Variants in RTN4 observed in about 807,000 individuals in gnomAD.
The protein encoded by RTN4 is reticulon-4.
RTN4 carries 32 observed loss-of-function variants against 90.4 expected under a neutral mutation model. That is an observed-to-expected ratio of 0.35 (90% CI 0.27 to 0.48). RTN4 has a LOEUF of 0.48. Ranked by LOEUF, RTN4 falls within the 20% of genes least tolerant of loss-of-function variation. The pLI is 0.99. For missense variants in RTN4, 1,706 were observed against 1,430.2 expected, an observed-to-expected ratio of 1.19 and a Z score of -3.11; for synonymous variants, 629 against 552.5, an observed-to-expected ratio of 1.14 and a Z score of -1.94.
At chr2:54,997,843 T>C (rs1215742361) in intron 3 of RTN4, among the ~76,000 whole-genome samples, 3 of 152,292 alleles carry the variant, frequency 2.0e-5, no homozygotes, top group Non-Finnish European at 4.4e-5. Context: ...ATGATTCTCT[T>C]TCATTGTTAA....
chr2:55,095,173 A>G (rs1343485796), intron 1 of RTN4, among the ~76,000 whole-genome samples: 1 of 152,056 alleles, frequency 6.6e-6, no homozygotes, highest in African/African-American at 2.4e-5. Flanking sequence ...AAATACAAAA[A>G]TCAGCTGGGC....
chr2:55,063,861 CAG>C (rs999045193), intron 2 of RTN4, among the ~76,000 whole-genome samples: 22 of 150,234 alleles, frequency 1.5e-4, no homozygotes, highest in African/African-American at 5.4e-4. Flanking sequence ...GCCTGGGCAA[CAG>C]GGGGAGACAG....
rs2104986094 is a variant in RTN4, at chr2:55,050,301, G to A, written c.-1C>T. On this transcript the variant is annotated 5_prime_UTR_variant, in exon 1 of 9. Coordinates refer to ENST00000337526, the MANE Select transcript of RTN4 (RefSeq NM_020532.5). This position sits in a 1 kb window ranked among gnomAD's most constrained non-coding sequence, Gnocchi z 4.6. ...GAGGAGACTGGTCCAGGTCTTCCAT[G>A]GCTGGAGGGTGGAGATGATGCTGCA... The A allele has an allele frequency of 7.0e-7, 1 of 1,423,764 alleles. No individual in the cohort carries two copies. The allele number at this position is 1,423,764 out of a possible 1,614,324, so 88.2% of individuals were successfully genotyped here. A position where few individuals can be genotyped will look rare whatever the true frequency, so the allele number is the denominator to read the frequency against.
At position 55,048,261 on chromosome 2, in the gene RTN4, T is replaced by C. The variant is rs116527459; in HGVS notation, c.556+1484A>G. ...GCTGTGGACGTGAGTAGTGAGTGAA[T>C]GTGAAGGCCTAGGACATTACCATGT... On this transcript the variant is annotated intron_variant, in intron 1 of 8. Coordinates refer to ENST00000337526, the MANE Select transcript of RTN4 (RefSeq NM_020532.5). Among the ~76,000 whole-genome samples the C allele has an allele frequency of 6.3e-3, 960 of 152,342 alleles. 9 individuals are homozygous for C. The highest frequency in any genetic ancestry group is 0.022 in the African/African-American group (931 of 41,582).
chr2:55,078,122 A>G lies in RTN4; in HGVS notation c.-63+2367T>C, dbSNP rs1031027773. On this transcript the variant is annotated intron_variant, in intron 2 of 3. Coordinates refer to the RTN4 transcript ENST00000427710. ...GTGCACCAAAATCTCACAAACCACCACTAAAGAGCTTGTTCATGTAACCAA... is the reference window on the plus strand; with the variant it reads ...GTGCACCAAAATCTCACAAACCACCGCTAAAGAGCTTGTTCATGTAACCAA... Among the ~76,000 whole-genome samples the G allele has an allele frequency of 2.0e-5, 3 of 152,176 alleles. No individual in the cohort carries two copies. The East Asian group carries it at 5.8e-4, about 29-fold the overall frequency.
intron 2 of RTN4, among the ~76,000 whole-genome samples, chr2:55,068,336 A>G (rs1327143618): frequency 6.6e-6 from 1 of 152,168 alleles, no homozygotes; most frequent in Non-Finnish European, 1.5e-5. Flanking sequence ...TGAAAATATC[A>G]GTACATAGAC....
intron 1 of RTN4, among the ~76,000 whole-genome samples, chr2:55,032,165 C>A (rs1682364948): frequency 6.6e-6 from 1 of 151,998 alleles, no homozygotes; most frequent in African/African-American, 2.4e-5. Flanking sequence ...ACTGCAACCT[C>A]CACCTCCCAG....
chr2:55,076,732 C>T (rs950339181), intron 2 of RTN4, among the ~76,000 whole-genome samples: 7 of 151,898 alleles, frequency 4.6e-5, no homozygotes, highest in Non-Finnish European at 8.8e-5. Flanking sequence ...TCCCATAATC[C>T]CCGCGTGTCT....
At chr2:55,123,855 C>G in the RTN4 span, among the ~76,000 whole-genome samples, 8 of 152,186 alleles carry the variant, frequency 5.3e-5, no homozygotes, top group African/African-American at 1.7e-4. Context: ...TCATTTTGCA[C>G]TGGGCCTTGC....
the RTN4 span, among the ~76,000 whole-genome samples, chr2:55,136,946 C>T: frequency 1.2e-3 from 184 of 152,232 alleles, no homozygotes; most frequent in African/African-American, 4.4e-3. Context: ...ATTTCTGTCC[C>T]CCAGACTGGC....
At chr2:55,046,780 T>G (rs201839007) in intron 1 of RTN4, 58 of 152,346 alleles carry the variant, frequency 3.8e-4, no homozygotes, top group African/African-American at 1.3e-3. Flanking sequence ...AATGGTTAAC[T>G]ATCCACAACC....
chr2:55,067,017 GTAATT>G (rs1668405656), intron 2 of RTN4, among the ~76,000 whole-genome samples: 1 of 152,154 alleles, frequency 6.6e-6, no homozygotes, highest in African/African-American at 2.4e-5. Flanking sequence ...CAAAAGTACA[GTAATT>G]TAATAAACCC....
chr2:55,041,523 C>A (rs1683075068), intron 1 of RTN4, among the ~76,000 whole-genome samples: 1 of 151,888 alleles, frequency 6.6e-6, no homozygotes, highest in African/African-American at 2.4e-5. Flanking sequence ...TGTGAACTGA[C>A]AGATAAATGG....
At chr2:54,995,653 T>G (rs1398390494) in intron 3 of RTN4, among the ~76,000 whole-genome samples, 2 of 152,202 alleles carry the variant, frequency 1.3e-5, no homozygotes, top group African/African-American at 2.4e-5. Flanking sequence ...TCCTGACATC[T>G]CAGGGTGCAA....
chr2:55,008,458 A>T (rs1179551262), intron 3 of RTN4, among the ~76,000 whole-genome samples: 3 of 152,250 alleles, frequency 2.0e-5, no homozygotes, highest in Middle Eastern at 3.4e-3. Flanking sequence ...TGATAGAGAA[A>T]ATACTAAAAT....
intron 1 of RTN4, among the ~76,000 whole-genome samples, chr2:55,105,013 C>T (rs558265901): frequency 2.6e-5 from 4 of 151,588 alleles, no homozygotes; most frequent in African/African-American, 9.7e-5. Context: ...TGCCATGTTG[C>T]CCGGGCTGGT....
upstream of RTN4, among the ~76,000 whole-genome samples, chr2:55,116,818 C>T (rs184253517): frequency 1.6e-3 from 245 of 151,830 alleles, 2 homozygotes; most frequent in African/African-American, 5.7e-3. Flanking sequence ...CTCATCTCTT[C>T]GACACTTCCC....
At chr2:55,133,549 C>T in the RTN4 span, among the ~76,000 whole-genome samples, 5 of 152,266 alleles carry the variant, frequency 3.3e-5, no homozygotes, top group East Asian at 5.8e-4. Context: ...AGTTCAATTC[C>T]GTTAGAACTA....
intron 1 of RTN4, among the ~76,000 whole-genome samples, chr2:55,105,977 T>G (rs1327859176): frequency 1.3e-5 from 2 of 152,098 alleles, no homozygotes; most frequent in African/African-American, 4.8e-5. Context: ...GAGACCCCCA[T>G]CTCTAAAATA....
Sources: gnomAD v4.1 joint callset for allele counts (sites outside exome capture counted in the v4.1 genomes callset) on GRCh38, gnomAD v4.1.1 for gene constraint, Gnocchi (gnomAD v3.1) non-coding constraint, MANE v1.5 for transcripts, NCBI Gene and HGNC (gene_info 2026-07-23, HGNC 2026-07-21) for gene names.